The following SMC1B variants were observed in gnomAD, a reference collection of about 807,000 sequenced individuals.
SMC1B encodes structural maintenance of chromosomes protein 1B.
A neutral mutation model predicts 157.9 loss-of-function variants in SMC1B; 60 were observed. The ratio of observed to expected loss-of-function variants is 0.38; its 90% CI spans 0.31 to 0.47. The LOEUF is 0.47. Among genes scored for constraint, SMC1B ranks in the 20% least tolerant of loss-of-function variants. SMC1B has a pLI of 0.99. For missense variants in SMC1B, 1,165 were observed against 1,426.2 expected, an observed-to-expected ratio of 0.82 and a Z score of 2.95; for synonymous variants, 445 against 483.0, an observed-to-expected ratio of 0.92 and a Z score of 1.03.
Position 45,352,531 on chromosome 22 carries a change from G to A in SMC1B, c.3345C>T (p.Gly1115=). The A allele has an allele frequency of 6.2e-7, 1 of 1,614,070 alleles. No homozygotes were observed. Among genetic ancestry groups the A allele is most frequent in the Non-Finnish European group, 8.5e-7 (1 of 1,179,966 alleles). ...EGISYNCVAP[G]KRFMPMDNLS... ...AATTGTCCATTGGCATAAACCGTTT[G>A]CCTGGGGCCACACAGTTATAGCTAA... Residue 1115 remains glycine, a synonymous_variant, in exon 22 of 25, where the codon GGC becomes GGT. Transcript: ENST00000357450.
At chr22:45,404,906 C>T (rs2146851242) in intron 4 of SMC1B, among the ~76,000 whole-genome samples, 1 of 152,306 alleles carries the variant, frequency 6.6e-6, no homozygotes, top group Admixed American at 6.5e-5. Context: ...CGGAGTTTGA[C>T]TCTTTGTTGA....
At chr22:45,346,805 C>G (rs1268241122) in intron 23 of SMC1B, among the ~76,000 whole-genome samples, 1 of 152,296 alleles carries the variant, frequency 6.6e-6, no homozygotes, top group East Asian at 1.9e-4. Flanking sequence ...GCACCCTGAT[C>G]ACAAGAGGGA....
intron 1 of SMC1B, among the ~76,000 whole-genome samples, chr22:45,413,066 A>G (rs1228540228): frequency 6.6e-6 from 1 of 150,764 alleles, no homozygotes; most frequent in Non-Finnish European, 1.5e-5. Context: ...GTGGGGGGCG[A>G]GGGTTGGGAG....
intron 1 of SMC1B, 63 bp from the exon 2 acceptor site, chr22:45,408,961 G>T: frequency 9.9e-7 from 1 of 1,011,488 alleles, no homozygotes; most frequent in Non-Finnish European, 1.4e-6. Flanking sequence ...ACCCAGAGCT[G>T]AAGAAATCAG....
chr22:45,348,718 G>GTTTTTTTTT (rs59086824), intron 23 of SMC1B, among the ~76,000 whole-genome samples: 5 of 148,110 alleles, frequency 3.4e-5, no homozygotes, highest in South Asian at 2.1e-4. Context: ...CAAAAGGACT[G>GTTTTTTTTT]TTTTTTTTGT....
intron 20 of SMC1B, 143 bp from the exon 21 acceptor site, chr22:45,354,275 T>C (rs2086648113): frequency 1.7e-6 from 1 of 577,962 alleles, no homozygotes; most frequent in South Asian, 3.2e-5. Context: ...TAAACTATTA[T>C]TAATTCCAAG....
chr22:45,387,161 G>A lies in SMC1B; in HGVS notation c.1732-115C>T, dbSNP rs2086998242. 3 of 926,792 alleles carry A rather than the reference G, an allele frequency of 3.2e-6. No homozygotes were observed. The Admixed American group carries it at 7.4e-5, about 23-fold the overall frequency. The allele number at this position is 926,792 out of a possible 1,614,324, so 57.4% of individuals were successfully genotyped here. ...CATGGCAGCAAAAGATCAACAGTAT[G>A]TACCCAGCCAGGCGTGATGCTCACG... On this transcript the variant is annotated intron_variant, in intron 10 of 24. Coordinates refer to ENST00000357450, the MANE Select transcript of SMC1B (RefSeq NM_148674.5).
intron 16 of SMC1B, among the ~76,000 whole-genome samples, 199 bp downstream of exon 16, chr22:45,362,686 C>T (rs947119459): frequency 1.3e-5 from 2 of 152,236 alleles, no homozygotes; most frequent in African/African-American, 4.8e-5. Context: ...AAGGAGTCAT[C>T]TGTGACATCC....
chr22:45,389,933 A>G, intron 9 of SMC1B, 36 bp from the exon 10 acceptor site: 1 of 1,523,854 alleles, frequency 6.6e-7, no homozygotes, highest in Non-Finnish European at 9.0e-7. Context: ...AAAAACAGAT[A>G]TATTAGAGTG....
intron 20 of SMC1B, 50 bp from the exon 21 acceptor site, chr22:45,354,182 TTTAC>T (rs751831671): frequency 3.7e-5 from 51 of 1,391,954 alleles, no homozygotes; most frequent in Non-Finnish European, 5.7e-6. Flanking sequence ...AGGAGGTTCT[TTTAC>T]TTAAACTGTA....
chr22:45,376,576 A>C (rs1054948113), intron 12 of SMC1B, among the ~76,000 whole-genome samples: 3 of 151,890 alleles, frequency 2.0e-5, no homozygotes, highest in Non-Finnish European at 4.4e-5. Flanking sequence ...CTGGGGTGAC[A>C]AAAAAAAGAA....
Position 45,393,345 on chromosome 22 carries a change from C to T in SMC1B, c.1545+289G>A, listed in dbSNP as rs974570745. Among the ~76,000 whole-genome samples, 19 of 152,248 alleles carry T rather than the reference C, an allele frequency of 1.2e-4. No individual in the cohort carries two copies. In the East Asian group the frequency reaches 3.3e-3, roughly 26 times the overall value. On this transcript the variant is annotated intron_variant, in intron 9 of 24. Coordinates refer to ENST00000357450, the MANE Select transcript of SMC1B (RefSeq NM_148674.5). Reference sequence around the variant, plus strand: ...GGTGGCTCAGAGTACTTCACAGCATCCAGGTCCTTTTGGGGATACTGGCCA... The same window carrying T: ...GGTGGCTCAGAGTACTTCACAGCATTCAGGTCCTTTTGGGGATACTGGCCA...
intron 19 of SMC1B, among the ~76,000 whole-genome samples, chr22:45,358,462 G>A (rs1275365853): frequency 1.3e-5 from 2 of 152,122 alleles, no homozygotes; most frequent in Non-Finnish European, 2.9e-5. Context: ...GAACTTAATT[G>A]TAGAACCCCC....
At chr22:45,407,957 C>T (rs2087282762) in intron 2 of SMC1B, among the ~76,000 whole-genome samples, 1 of 152,158 alleles carries the variant, frequency 6.6e-6, no homozygotes, top group Non-Finnish European at 1.5e-5. Context: ...CACACACACA[C>T]AAATTCAAAC....
intron 9 of SMC1B, among the ~76,000 whole-genome samples, chr22:45,390,433 C>T (rs189883871): frequency 2.0e-4 from 31 of 152,090 alleles, no homozygotes; most frequent in Non-Finnish European, 3.7e-4. Flanking sequence ...TCCAGCTGGG[C>T]GTGGTGGCTC....
intron 10 of SMC1B, 141 bp from the exon 11 acceptor site, chr22:45,387,187 C>T (rs1420173022): frequency 1.4e-6 from 1 of 692,046 alleles, no homozygotes; most frequent in Non-Finnish European, 2.3e-6. Flanking sequence ...GATGCTCACG[C>T]CTGTAATCCC....
chr22:45,360,240 C>G (rs1218499331), intron 17 of SMC1B, among the ~76,000 whole-genome samples: 1 of 152,120 alleles, frequency 6.6e-6, no homozygotes, highest in African/African-American at 2.4e-5. Context: ...CAAATATAAG[C>G]TCTACATTTT....
rs770128544 is a variant in SMC1B, at chr22:45,406,501, T to C, written c.574A>G (p.Ile192Val). The part of the protein sequence containing the change: ...AQFNFNKKKN[I>V]AAERRQAKLE... ...TTTGCTTGTCTGCGCTCTGCCGCTA[T>C]ATTTTTTTTCTTATTAAAGTTAAAC... is the stretch of plus-strand genomic sequence containing the variant. The change falls in exon 4 of 25, where the codon ATA becomes GTA. Residue 192 changes from isoleucine to valine, a missense_variant. Physicochemically the swap from Ile to Val is conservative, Grantham distance 29. Transcript: ENST00000357450. 5 of 1,612,220 alleles carry C rather than the reference T, an allele frequency of 3.1e-6. No individual in the cohort carries two copies. Among genetic ancestry groups the C allele is most frequent in the African/African-American group, 2.7e-5 (2 of 74,800 alleles).
chr22:45,409,799 A>G (rs1043721823), intron 1 of SMC1B, among the ~76,000 whole-genome samples: 1 of 152,158 alleles, frequency 6.6e-6, no homozygotes, highest in Admixed American at 6.5e-5. Flanking sequence ...AACATTCCCT[A>G]TTAAGAATGG....
Sources: allele counts gnomAD v4.1 joint callset (sites outside exome capture counted in the v4.1 genomes callset), GRCh38; gene constraint gnomAD v4.1.1; transcripts MANE v1.5; gene names NCBI Gene and HGNC (gene_info 2026-07-23, HGNC 2026-07-21).